PCDH15: variants seen among roughly 807,000 people sequenced by gnomAD.
The protein encoded by PCDH15 is protocadherin related 15.
Under a neutral mutation model 178.5 loss-of-function variants are expected in PCDH15, and 129 were observed. That is an observed-to-expected ratio of 0.72 (90% CI 0.63 to 0.84). The LOEUF (loss-of-function observed/expected upper bound fraction) is 0.84. PCDH15 is among the 40% of genes least tolerant of loss of function. The probability of loss-of-function intolerance (pLI) is 0.00; values close to 1 mark genes in which losing one functional copy is unlikely to be tolerated. For missense variants in PCDH15, 2,230 were observed against 2,099.9 expected (o/e 1.06, Z -1.21); for synonymous variants, 800 against 732.0 (o/e 1.09, Z -1.50).
chr10:54,770,520 T>C (rs1169542840), intron 1 of PCDH15, among the ~76,000 whole-genome samples: 2 of 152,104 alleles, frequency 1.3e-5, no homozygotes, highest in African/African-American at 4.8e-5. Context: ...GTGTTCATTT[T>C]AGTTCAACGA....
chr10:54,389,921 C>T (rs1306630148), intron 3 of PCDH15, among the ~76,000 whole-genome samples: 1 of 152,114 alleles, frequency 6.6e-6, no homozygotes, highest in Non-Finnish European at 1.5e-5. Flanking sequence ...CCAGCCTGGG[C>T]GACAGAGTGA....
chr10:55,014,478 T>C (rs1840122329), intron 2 of PCDH15, among the ~76,000 whole-genome samples: 1 of 145,346 alleles, frequency 6.9e-6, no homozygotes, highest in South Asian at 2.3e-4. Flanking sequence ...AAATGATGCT[T>C]ATAACCAGAC....
intron 3 of PCDH15, among the ~76,000 whole-genome samples, chr10:54,514,394 T>G (rs2082003650): frequency 6.6e-6 from 1 of 152,030 alleles, no homozygotes; most frequent in Admixed American, 6.6e-5. Context: ...ATATATAAAG[T>G]TAGCAATTTA....
intron 18 of PCDH15, among the ~76,000 whole-genome samples, chr10:54,054,462 A>G (rs1225069152): frequency 6.6e-6 from 1 of 152,108 alleles, no homozygotes; most frequent in Non-Finnish European, 1.5e-5. Context: ...AGTGACTTAG[A>G]TAAAGATAAC....
chr10:54,557,613 C>T lies in PCDH15; in HGVS notation c.92-29736G>A, dbSNP rs1300860774. ...TTCAGTGAGGCCATAGAAATCATCA[C>T]CTGGAGATTTCATAATACTGAGGAG... On this transcript the variant is annotated intron_variant, in intron 2 of 37. Transcript: ENST00000644397. Among the ~76,000 whole-genome samples the T allele has an allele frequency of 2.6e-5, 4 of 152,218 alleles. No individual in the cohort carries two copies. The East Asian group carries it at 5.8e-4, about 22-fold the overall frequency.
intron 17 of PCDH15, among the ~76,000 whole-genome samples, chr10:54,073,655 C>G (rs1182081800): frequency 6.6e-6 from 1 of 152,094 alleles, no homozygotes; most frequent in Non-Finnish European, 1.5e-5. Context: ...GTAATTCAAT[C>G]CAGTAATTCA....
intron 1 of PCDH15, among the ~76,000 whole-genome samples, chr10:54,792,830 C>G (rs770801448): frequency 1.3e-5 from 2 of 151,710 alleles, no homozygotes; most frequent in African/African-American, 2.4e-5. Context: ...TCCAGAGAAC[C>G]CTGACAAATA....
At chr10:54,754,139 T>C (rs1333423552) in intron 1 of PCDH15, among the ~76,000 whole-genome samples, 3 of 151,892 alleles carry the variant, frequency 2.0e-5, no homozygotes, top group African/African-American at 7.3e-5. Context: ...CCCAAATCTT[T>C]ACTGCCAAGA....
At chr10:53,975,427 C>T (rs2090107831) in intron 21 of PCDH15, among the ~76,000 whole-genome samples, 2 of 151,996 alleles carry the variant, frequency 1.3e-5, no homozygotes, top group African/African-American at 2.4e-5. Context: ...TTTTTCCCCC[C>T]ATAACCTCAC....
At chr10:54,390,204 T>C (rs985586077) in intron 3 of PCDH15, among the ~76,000 whole-genome samples, 2 of 152,216 alleles carry the variant, frequency 1.3e-5, no homozygotes, top group African/African-American at 2.4e-5. Flanking sequence ...TGTATTTTGT[T>C]GTCCATTGTC....
chr10:53,861,816 G>T (rs1000054827), intron 27 of PCDH15, among the ~76,000 whole-genome samples: 2 of 151,990 alleles, frequency 1.3e-5, no homozygotes, highest in Admixed American at 1.3e-4. Context: ...CTGATAGCTA[G>T]CATATTGGAC....
intron 15 of PCDH15, among the ~76,000 whole-genome samples, chr10:54,119,665 A>G (rs929593146): frequency 3.9e-5 from 6 of 152,220 alleles, no homozygotes; most frequent in African/African-American, 1.4e-4. Context: ...GAGATACTAT[A>G]TAAAATGACT....
chr10:55,533,724 A>T (rs1275499544), intron 2 of PCDH15, among the ~76,000 whole-genome samples: 1 of 152,040 alleles, frequency 6.6e-6, no homozygotes, highest in Non-Finnish European at 1.5e-5. Flanking sequence ...GTAGAAAAAG[A>T]CTATTCTAAG....
At chr10:55,309,950 T>G (rs778635571) in intron 1 of PCDH15, among the ~76,000 whole-genome samples, 3 of 152,320 alleles carry the variant, frequency 2.0e-5, no homozygotes, top group Middle Eastern at 3.4e-3. Flanking sequence ...ATGCCTATTC[T>G]ACTTCCATTT....
intron 1 of PCDH15, among the ~76,000 whole-genome samples, chr10:54,682,629 T>C (rs758422726): frequency 2.0e-5 from 3 of 152,174 alleles, no homozygotes; most frequent in Non-Finnish European, 4.4e-5. Flanking sequence ...TTCCTCTTTT[T>C]ATAATATCTG....
upstream of PCDH15, among the ~76,000 whole-genome samples, chr10:54,802,347 T>C (rs1952689085): frequency 6.6e-6 from 1 of 152,168 alleles, no homozygotes; most frequent in Admixed American, 6.5e-5. Flanking sequence ...TTTAAGAATA[T>C]GGAAATAATC....
chr10:54,744,356 T>C (rs903635637), intron 1 of PCDH15, among the ~76,000 whole-genome samples: 1 of 152,140 alleles, frequency 6.6e-6, no homozygotes, highest in Admixed American at 6.6e-5. Flanking sequence ...GAAACTGAGA[T>C]AATAAATGTT....
At chr10:54,436,620 T>G (rs2136091913) in intron 3 of PCDH15, among the ~76,000 whole-genome samples, 1 of 152,314 alleles carries the variant, frequency 6.6e-6, no homozygotes, top group African/African-American at 2.4e-5. Context: ...AATTGATTTT[T>G]ATATATGCTT....
chr10:54,238,583 T>C (rs543915918), intron 8 of PCDH15, among the ~76,000 whole-genome samples: 20 of 151,766 alleles, frequency 1.3e-4, no homozygotes, highest in African/African-American at 4.8e-4. Flanking sequence ...CAAATAAATA[T>C]CAAAATTACT....
Sources: allele counts gnomAD v4.1 joint callset (sites outside exome capture counted in the v4.1 genomes callset), GRCh38; gene constraint gnomAD v4.1.1; transcripts MANE v1.5; gene names NCBI Gene and HGNC (gene_info 2026-07-23, HGNC 2026-07-21).